The following CBX2 variants were observed in gnomAD, a reference collection of about 807,000 sequenced individuals.
CBX2 encodes chromobox protein homolog 2.
CBX2 carries 11 observed loss-of-function variants against 21.0 expected under a neutral mutation model. That is an observed-to-expected ratio of 0.52 (90% CI 0.33 to 0.87). CBX2 has a LOEUF of 0.87. Among genes scored for constraint, CBX2 ranks in the 40% least tolerant of loss-of-function variants. The pLI, the probability that CBX2 is intolerant of heterozygous loss-of-function variation, is 0.02. For synonymous variants in CBX2, 364 were observed against 304.6 expected, an observed-to-expected ratio of 1.19 and a Z score of -2.03; for missense variants, 746 against 724.3, an observed-to-expected ratio of 1.03 and a Z score of -0.34.
Position 79,778,184 on chromosome 17 carries a change from C to CGCGCGGCGGTG in CBX2, c.-52_-51insGCGCGGCGGTG. 1.8e-6 allele frequency: 2 copies of CGCGCGGCGGTG among 1,129,968 alleles called. No homozygotes were observed. Among genetic ancestry groups the CGCGCGGCGGTG allele is most frequent in the South Asian group, 6.5e-5 (2 of 30,816 alleles). 70.0% of individuals were successfully genotyped at this position (1,129,968 alleles called of 1,614,324 possible). On this transcript the variant is annotated 5_prime_UTR_variant, in exon 1 of 5. Transcript: ENST00000310942. This position sits in a 1 kb window ranked among gnomAD's most constrained non-coding sequence, Gnocchi z 4.8. ...TGCTGCCGGCGGGGCGCGCGGCGGTCCGGGCGGGTGACTGGCGGCGGGCGC... is the reference window on the plus strand; with the variant it reads ...TGCTGCCGGCGGGGCGCGCGGCGGTCGCGCGGCGGTGCGGGCGGGTGACTGGCGGCGGGCGC...
At chr17:79,780,245 G>C (rs1340473770) in intron 3 of CBX2, among the ~76,000 whole-genome samples, 4 of 152,228 alleles carry the variant, frequency 2.6e-5, no homozygotes, top group South Asian at 2.1e-4. Context: ...TTGGTTGCTG[G>C]AGTCTTTCCC....
At position 79,785,120 on chromosome 17, in the gene CBX2, C is replaced by A; in HGVS notation, c.*78C>A. The A allele has an allele frequency of 8.0e-7, 1 of 1,247,882 alleles. No homozygotes were observed. Among genetic ancestry groups the A allele is most frequent in the Non-Finnish European group, 1.2e-6 (1 of 865,918 alleles). 77.3% of individuals were successfully genotyped at this position (1,247,882 alleles called of 1,614,324 possible). A position where few individuals can be genotyped will look rare whatever the true frequency, so the allele number is the denominator to read the frequency against. ...TCGCTTGGCTAAGTGACTCCCAGCC[C>A]AAGCCCCCTCAAGAGTCTGGGTCGG... is the stretch of plus-strand genomic sequence containing the variant. On this transcript the variant is annotated 3_prime_UTR_variant, in exon 5 of 5. Transcript: ENST00000310942.
In CBX2 at chr17:79,782,070, C is replaced by T. The variant is rs782585971; in HGVS notation, c.288+269C>T. 8 of 1,613,694 alleles carry T rather than the reference C, an allele frequency of 5.0e-6. No homozygotes were observed. The African/African-American group carries it at 6.7e-5, about 13-fold the overall frequency. ...ACGCCTCTCTGCTGGGTGGCAGGGT[C>T]AAACTGCTGCAGACAAGCACTCTTC... is the stretch of plus-strand genomic sequence containing the variant. On this transcript the variant is annotated intron_variant, in intron 4 of 4. Transcript: ENST00000310942.
chr17:79,781,632 G>A (rs1907206912), intron 3 of CBX2, 64 bp from the exon 4 acceptor site: 2 of 1,395,722 alleles, frequency 1.4e-6, no homozygotes. Flanking sequence ...AAGCCATAGA[G>A]TCCCACATGG....
chr17:79,782,183 A>G (rs1555830545), intron 4 of CBX2: 2 of 1,612,268 alleles, frequency 1.2e-6, no homozygotes, highest in South Asian at 1.1e-5. Context: ...ATGTGACTCA[A>G]AAGCCTAAGA....
chr17:79,781,831 C>T (rs1555830354), intron 4 of CBX2, 30 bp downstream of exon 4: 3 of 1,613,980 alleles, frequency 1.9e-6, no homozygotes, highest in Non-Finnish European at 1.7e-6. Flanking sequence ...ATGCTGACCC[C>T]ACCTCCCAGC....
At chr17:79,782,409 C>G (rs997335570) in intron 4 of CBX2, 1 of 1,350,596 alleles carries the variant, frequency 7.4e-7, no homozygotes, top group Non-Finnish European at 9.6e-7. Context: ...TGCATGCGCC[C>G]CTGGGGTCCG....
At chr17:79,783,705 C>T (rs1446486473) in intron 4 of CBX2, 27 bp from the exon 5 acceptor site, 2 of 1,545,938 alleles carry the variant, frequency 1.3e-6, no homozygotes, top group Admixed American at 2.0e-5. Context: ...CCACTGCACC[C>T]AGCCAACTTC....
Position 79,787,762 on chromosome 17 carries a change from A to C in CBX2, c.*2720A>C, listed in dbSNP as rs1907736166. On this transcript the variant is annotated 3_prime_UTR_variant, in exon 5 of 5. Transcript: ENST00000310942. ...GCAGTGGCCAGTCTGTCTTCCTTAG[A>C]GATGTTAGCATATTTTTATATGTAT... The C allele has an allele frequency of 6.6e-6, 1 of 152,094 alleles. No homozygotes were observed. Among genetic ancestry groups the C allele is most frequent in the Admixed American group, 6.6e-5 (1 of 15,254 alleles). The allele number at this position is 152,094 out of a possible 1,614,324, so 9.4% of individuals were successfully genotyped here.
Position 79,784,383 on chromosome 17 carries a change from G to A in CBX2, c.940G>A (p.Gly314Ser), listed in dbSNP as rs142559735. The change falls in exon 5 of 5, where the codon GGT becomes AGT. Residue 314 changes from glycine (G) to serine (S), a missense_variant. Transcript: ENST00000310942. The surrounding 1 kb of genome is among the most constrained non-coding windows in gnomAD (Gnocchi z 5.9). ...PGSKIPKAPSGGAVEQKVGNT... is the reference protein window; with the variant it reads ...PGSKIPKAPSSGAVEQKVGNT... Reference sequence around the variant, plus strand: ...AAGCAAAATCCCGAAGGCCCCCAGCGGTGGGGCTGTGGAGCAGAAAGTGGG... The same window carrying A: ...AAGCAAAATCCCGAAGGCCCCCAGCAGTGGGGCTGTGGAGCAGAAAGTGGG... 2,394 of 1,612,640 alleles carry A rather than the reference G, an allele frequency of 1.5e-3. 24 individuals are homozygous for A. In the Admixed American group the frequency reaches 0.02, roughly 14 times the overall value.
intron 3 of CBX2, 98 bp downstream of exon 3, chr17:79,779,525 G>C: frequency 8.9e-7 from 1 of 1,124,608 alleles, no homozygotes; most frequent in Non-Finnish European, 1.3e-6. Context: ...GCTGGAGCTG[G>C]GGCTGTGGTC....
Position 79,781,554 on chromosome 17 carries a change from G to C in CBX2, c.183-142G>C, listed in dbSNP as rs996212645. On this transcript the variant is annotated intron_variant, in intron 3 of 4. Coordinates refer to ENST00000310942, the MANE Select transcript of CBX2 (RefSeq NM_005189.3). ...AAGAATGGGGTCTGATCTCTGCCTT[G>C]GGTATTTGATGATGTGTTTGCGGCA... is the stretch of plus-strand genomic sequence containing the variant. The C allele has an allele frequency of 3.9e-6, 3 of 767,818 alleles. No individual in the cohort carries two copies. The African/African-American group carries it at 5.1e-5, about 13-fold the overall frequency. The allele number at this position is 767,818 out of a possible 1,614,324, so 47.6% of individuals were successfully genotyped here. A position where few individuals can be genotyped will look rare whatever the true frequency, so the allele number is the denominator to read the frequency against.
chr17:79,784,803 A>C lies in CBX2; in HGVS notation c.1360A>C (p.Thr454Pro), dbSNP rs1419210743. 5 of 1,611,274 alleles carry C rather than the reference A, an allele frequency of 3.1e-6. No individual in the cohort carries two copies. Among genetic ancestry groups the C allele is most frequent in the Non-Finnish European group, 4.2e-6 (5 of 1,179,042 alleles). The change falls in exon 5 of 5, where the codon ACA becomes CCA. Residue 454 changes from threonine to proline, a missense_variant. Physicochemically the swap from Thr to Pro is conservative, Grantham distance 38. Transcript: ENST00000310942. This position sits in a 1 kb window ranked among gnomAD's most constrained non-coding sequence, Gnocchi z 5.9. ...TAPGEARKAA[T>P]LPEMSAGEES... is the part of the protein sequence containing the mutation. ...CCCCGGAGAAGCCCGCAAGGCGGCC[A>C]CACTGCCAGAGATGAGCGCAGGTGA...
chr17:79,781,084 C>T (rs781179305), intron 3 of CBX2, among the ~76,000 whole-genome samples: 10 of 152,046 alleles, frequency 6.6e-5, no homozygotes, highest in South Asian at 6.2e-4. Context: ...GCGAGTGGTG[C>T]GTGCATTGAG....
intron 4 of CBX2, chr17:79,782,467 G>T (rs113561509): frequency 2.1e-5 from 26 of 1,237,918 alleles, no homozygotes; most frequent in South Asian, 3.4e-5. Flanking sequence ...AGGACAGGAT[G>T]GGGGAGGAGG....
At position 79,784,059 on chromosome 17, in the gene CBX2, G is replaced by T. The variant is rs782184946; in HGVS notation, c.616G>T (p.Ala206Ser). 1.9e-6 allele frequency: 3 copies of T among 1,612,562 alleles called. No individual in the cohort carries two copies. Among genetic ancestry groups the T allele is most frequent in the Non-Finnish European group, 2.5e-6 (3 of 1,179,806 alleles). ...CAGCAAGCTGCCCCCTCCACTCAGC[G>T]CCCCCGTTGCAGGCCTGGCAGCTCT... is the stretch of plus-strand genomic sequence containing the variant. ...PASKLPPPLS[A>S]PVAGLAALKA... Residue 206 changes from alanine to serine, a missense_variant, in exon 5 of 5, where the codon GCC becomes TCC. This residue lies in a region of CBX2 where 701 missense variants were observed against 650.7 expected (regional missense o/e 1.08). Coordinates refer to ENST00000310942, the MANE Select transcript of CBX2 (RefSeq NM_005189.3). This position sits in a 1 kb window ranked among gnomAD's most constrained non-coding sequence, Gnocchi z 5.9.
At chr17:79,779,900 G>A (rs1194450526) in intron 3 of CBX2, among the ~76,000 whole-genome samples, 1 of 152,274 alleles carries the variant, frequency 6.6e-6, no homozygotes, top group Non-Finnish European at 1.5e-5. Context: ...ACGCAGTTGT[G>A]CCTATTGTGA....
In CBX2 at chr17:79,781,759, G is replaced by C. The variant is rs1250161417; in HGVS notation, c.246G>C (p.Lys82Asn). 1.2e-6 allele frequency: 2 copies of C among 1,613,988 alleles called. No homozygotes were observed. The highest frequency in any genetic ancestry group is 2.7e-5 in the African/African-American group (2 of 74,922). The change falls in exon 4 of 5, where the codon AAG (lysine) becomes AAC (asparagine). Residue 82 changes from lysine (K) to asparagine (N), a missense_variant. Transcript: ENST00000310942. Reference protein sequence around the residue: ...RGKRPRGRPRKLTAMSSCSRR... With the variant: ...RGKRPRGRPRNLTAMSSCSRR... The stretch of plus-strand genomic sequence containing the variant: ...AGAGGCCGAGAGGCCGGCCAAGGAA[G>C]CTCACTGCCATGTCCTCCTGCAGCC...
In CBX2 at chr17:79,780,285, C is replaced by G. The variant is rs9897616; in HGVS notation, c.182+858C>G. Among the ~76,000 whole-genome samples the G allele has an allele frequency of 5.2e-3, 785 of 152,348 alleles. 6 individuals are homozygous for G. The highest frequency in any genetic ancestry group is 0.018 in the African/African-American group (750 of 41,576). On this transcript the variant is annotated intron_variant, in intron 3 of 4. Transcript: ENST00000310942. ...AGGGTCAATCTGGACGGTTTGTTCT[C>G]TGGTAGCAAAAGGTGCATTCCCTTT...
Sources: allele counts gnomAD v4.1 joint callset (sites outside exome capture counted in the v4.1 genomes callset), GRCh38; gene constraint gnomAD v4.1.1; regional missense constraint gnomAD v4.1.1; non-coding constraint Gnocchi (gnomAD v3.1); transcripts MANE v1.5; gene names NCBI Gene and HGNC (gene_info 2026-07-23, HGNC 2026-07-21).